The following XRCC4 variants were observed in gnomAD, a reference collection of about 807,000 sequenced individuals.
The protein encoded by XRCC4 is DNA repair protein XRCC4.
A neutral mutation model predicts 39.1 loss-of-function variants in XRCC4; 28 were observed. That is an observed-to-expected ratio of 0.72 (90% CI 0.53 to 0.98). The LOEUF (loss-of-function observed/expected upper bound fraction) is 0.98, where lower values mean the gene tolerates loss of function less well. Ranked by LOEUF, XRCC4 falls within the 50% of genes least tolerant of loss-of-function variation. XRCC4 has a pLI of 0.00. For synonymous variants in XRCC4, 123 were observed against 126.4 expected (o/e 0.97, Z 0.18); for missense variants, 350 against 376.4 (o/e 0.93, Z 0.58).
chr5:83,120,010 A>C (rs982464771), intron 3 of XRCC4, among the ~76,000 whole-genome samples: 3 of 151,350 alleles, frequency 2.0e-5, no homozygotes, highest in Admixed American at 6.6e-5. Flanking sequence ...AAAAAAAAAA[A>C]AAAAACAATA....
At position 83,346,283 on chromosome 5, in the gene XRCC4, T is replaced by C. The variant is rs985456660; in HGVS notation, c.894-6848T>C. Among the ~76,000 whole-genome samples, 3 of 152,158 alleles carry C rather than the reference T, an allele frequency of 2.0e-5. No homozygotes were observed. In the East Asian group the frequency reaches 5.8e-4, roughly 29 times the overall value. ...TCAGATTCAGGAACTGGAAGAGCTC[T>C]AAGATCACTTATAATAACCTCAACC... On this transcript the variant is annotated intron_variant, in intron 7 of 7. Coordinates refer to ENST00000396027, the MANE Select transcript of XRCC4 (RefSeq NM_003401.5).
intron 6 of XRCC4, among the ~76,000 whole-genome samples, chr5:83,212,080 A>G (rs953044643): frequency 3.9e-5 from 6 of 152,098 alleles, no homozygotes; most frequent in African/African-American, 1.4e-4. Context: ...ATATATATAT[A>G]CACACATACA....
At chr5:83,156,081 T>A (rs1354130503) in intron 3 of XRCC4, among the ~76,000 whole-genome samples, 1 of 152,148 alleles carries the variant, frequency 6.6e-6, no homozygotes, top group Non-Finnish European at 1.5e-5. Flanking sequence ...TTGAAAATGC[T>A]ATTTTCCTGT....
chr5:83,191,035 A>G (rs1194147178), intron 3 of XRCC4, among the ~76,000 whole-genome samples: 4 of 152,214 alleles, frequency 2.6e-5, no homozygotes, highest in Non-Finnish European at 4.4e-5. Flanking sequence ...TCAAAATTTT[A>G]TCAAGCACAT....
At chr5:83,238,821 A>G (rs1410422429) in intron 6 of XRCC4, among the ~76,000 whole-genome samples, 1 of 152,174 alleles carries the variant, frequency 6.6e-6, no homozygotes, top group African/African-American at 2.4e-5. Context: ...AAAAATATAA[A>G]AGTTTTTAAG....
chr5:83,227,553 A>C (rs1462815035), intron 6 of XRCC4, among the ~76,000 whole-genome samples: 1 of 152,090 alleles, frequency 6.6e-6, no homozygotes, highest in African/African-American at 2.4e-5. Context: ...ACTCTGCTTC[A>C]TGAAACCCAT....
intron 3 of XRCC4, among the ~76,000 whole-genome samples, chr5:83,171,038 G>A (rs1396794446): frequency 6.6e-6 from 1 of 151,924 alleles, no homozygotes; most frequent in Non-Finnish European, 1.5e-5. Flanking sequence ...CTCCAGTGCC[G>A]GTCTTTCCCA....
At chr5:83,344,130 TCACACA>T (rs61032306) in intron 7 of XRCC4, among the ~76,000 whole-genome samples, 39 of 148,202 alleles carry the variant, frequency 2.6e-4, no homozygotes, top group East Asian at 1.2e-3. Context: ...GACACAGATC[TCACACA>T]CACACACACA....
chr5:83,203,525 A>G, intron 4 of XRCC4, 27 bp from the exon 5 acceptor site: 3 of 1,562,492 alleles, frequency 1.9e-6, no homozygotes, highest in African/African-American at 2.8e-5. Flanking sequence ...CTGCATGACT[A>G]ATTTGTTTAC....
chr5:83,276,513 A>T (rs1478647560), intron 7 of XRCC4, among the ~76,000 whole-genome samples: 1 of 141,572 alleles, frequency 7.1e-6, no homozygotes, highest in Non-Finnish European at 1.5e-5. Context: ...ATGAAGAAGA[A>T]GTGGAAGAAG....
chr5:83,203,556 G>T lies in XRCC4; in HGVS notation c.487G>T (p.Glu163Ter). The T allele has an allele frequency of 6.3e-7, 1 of 1,578,470 alleles. No homozygotes were observed. The highest frequency in any genetic ancestry group is 1.2e-5 in the South Asian group (1 of 82,374). Reference sequence around the variant, plus strand: ...TTTACTTATTTACTTTTTTAGATTTGAAAAATGTGTGAGTGCTAAGGAAGC... The same window carrying T: ...TTTACTTATTTACTTTTTTAGATTTTAAAAATGTGTGAGTGCTAAGGAAGC... ...RDWNDVQGRF[E>*]KCVSAKEALE... Residue 163 changes from glutamate (E) to a stop codon, truncating the protein, a stop_gained, in exon 5 of 8, where the codon GAA (glutamate) becomes TAA (stop). Coordinates refer to ENST00000396027, the MANE Select transcript of XRCC4 (RefSeq NM_003401.5). LOFTEE classifies it high-confidence loss of function.
chr5:83,229,672 T>C (rs1580398148), intron 6 of XRCC4, among the ~76,000 whole-genome samples: 1 of 150,210 alleles, frequency 6.7e-6, no homozygotes, highest in South Asian at 2.1e-4. Context: ...TTTTTTTTTT[T>C]TTTTTTTTTG....
intron 1 of XRCC4, among the ~76,000 whole-genome samples, chr5:83,082,316 A>G (rs1311520726): frequency 6.6e-6 from 1 of 152,222 alleles, no homozygotes; most frequent in Non-Finnish European, 1.5e-5. Context: ...CCTGAAACAG[A>G]AAGAGGTTAT....
chr5:83,164,157 A>G (rs1481662074), intron 3 of XRCC4, among the ~76,000 whole-genome samples: 1 of 152,172 alleles, frequency 6.6e-6, no homozygotes, highest in African/African-American at 2.4e-5. Context: ...GACCTCTGCT[A>G]TCTATATAAG....
chr5:83,106,877 G>A (rs1746224513), intron 2 of XRCC4, among the ~76,000 whole-genome samples: 1 of 151,802 alleles, frequency 6.6e-6, no homozygotes, highest in Admixed American at 6.6e-5. Context: ...ACTGGTCTGC[G>A]AAAAAAGAAA....
chr5:83,111,389 A>T (rs574414950), intron 3 of XRCC4, among the ~76,000 whole-genome samples, 186 bp downstream of exon 3: 3 of 152,240 alleles, frequency 2.0e-5, no homozygotes, highest in Admixed American at 1.3e-4. Context: ...TTAATGAATC[A>T]TGAAAAATAA....
intron 7 of XRCC4, among the ~76,000 whole-genome samples, chr5:83,271,264 A>T (rs1754137409): frequency 6.6e-6 from 1 of 152,210 alleles, no homozygotes; most frequent in African/African-American, 2.4e-5. Flanking sequence ...CCAGCAACTC[A>T]TTCATTCTGA....
intron 1 of XRCC4, among the ~76,000 whole-genome samples, chr5:83,079,409 A>G (rs868661102): frequency 1.3e-5 from 2 of 152,318 alleles, no homozygotes; most frequent in Middle Eastern, 3.4e-3. Context: ...TTTTCAGATT[A>G]TATCACAATT....
the XRCC4 span, among the ~76,000 whole-genome samples, chr5:83,360,626 T>C: frequency 4.0e-4 from 61 of 151,096 alleles, no homozygotes; most frequent in African/African-American, 1.4e-3. Context: ...TTTGGGAGAG[T>C]CAAATCTCTG....
Sources: allele counts gnomAD v4.1 joint callset (sites outside exome capture counted in the v4.1 genomes callset), GRCh38; gene constraint gnomAD v4.1.1; transcripts MANE v1.5; gene names NCBI Gene and HGNC (gene_info 2026-07-23, HGNC 2026-07-21).